Variants in STK32B observed in about 807,000 individuals in gnomAD.
The protein encoded by STK32B is serine/threonine kinase 32B.
A neutral mutation model predicts 52.6 loss-of-function variants in STK32B; 43 were observed. The ratio of observed to expected loss-of-function variants is 0.82; its 90% CI spans 0.64 to 1.05. The LOEUF (loss-of-function observed/expected upper bound fraction) is 1.05, where lower values mean the gene tolerates loss of function less well. STK32B is among the 50% of genes least tolerant of loss of function. STK32B has a pLI of 0.00. For missense variants in STK32B, 621 were observed against 534.6 expected (o/e 1.16, Z -1.59); for synonymous variants, 238 against 204.3 (o/e 1.17, Z -1.41).
At chr4:5,055,658 C>T (rs1741974386) in intron 1 of STK32B, among the ~76,000 whole-genome samples, 1 of 152,154 alleles carries the variant, frequency 6.6e-6, no homozygotes, top group Non-Finnish European at 1.5e-5. Context: ...CTTCCTCTGT[C>T]ACTCCTGGCT....
At chr4:5,279,218 A>C (rs1577285353) in intron 3 of STK32B, among the ~76,000 whole-genome samples, 1 of 152,222 alleles carries the variant, frequency 6.6e-6, no homozygotes. Context: ...TGTGAAATCA[A>C]AAACAAGTTA....
intron 4 of STK32B, among the ~76,000 whole-genome samples, chr4:5,372,433 G>C (rs1735303191): frequency 6.6e-6 from 1 of 152,124 alleles, no homozygotes; most frequent in Non-Finnish European, 1.5e-5. Flanking sequence ...TGAAGCTTCA[G>C]GTAGCCCAGG....
chr4:5,499,144 CCT>C lies in STK32B; in HGVS notation c.*64_*65del. On this transcript the variant is annotated 3_prime_UTR_variant, in exon 12 of 12. Coordinates refer to ENST00000282908, the MANE Select transcript of STK32B (RefSeq NM_018401.3). Reference sequence around the variant, plus strand: ...GTCTCTGCCCTGCCCACCCAGAGCCCCTCTTTGTGCCCTGATGGTCCCTGTCT... The same window carrying C: ...GTCTCTGCCCTGCCCACCCAGAGCCCCTTTGTGCCCTGATGGTCCCTGTCT... 1.3e-6 allele frequency: 2 copies of C among 1,521,936 alleles called. No homozygotes were observed. The highest frequency in any genetic ancestry group is 1.8e-6 in the Non-Finnish European group (2 of 1,128,430). The allele number at this position is 1,521,936 out of a possible 1,614,324, so 94.3% of individuals were successfully genotyped here.
intron 6 of STK32B, among the ~76,000 whole-genome samples, chr4:5,440,206 T>C (rs912962140): frequency 6.6e-6 from 1 of 152,200 alleles, no homozygotes; most frequent in Non-Finnish European, 1.5e-5. Context: ...GTATGGCCAT[T>C]TTCACGATAT....
chr4:5,069,825 C>T (rs1711643087), intron 1 of STK32B, among the ~76,000 whole-genome samples: 1 of 152,178 alleles, frequency 6.6e-6, no homozygotes, highest in Non-Finnish European at 1.5e-5. Context: ...GTTTCAAATC[C>T]TGCCTTTTCT....
intron 3 of STK32B, among the ~76,000 whole-genome samples, chr4:5,317,043 A>ATATATATAATATATATGATATAATATAT (rs1730992778): frequency 6.9e-5 from 2 of 29,030 alleles, no homozygotes; most frequent in Non-Finnish European, 9.4e-5. Flanking sequence ...ATAATATATT[A>ATATATATAATATATATGATATAATATAT]TATATATAAT....
intron 3 of STK32B, among the ~76,000 whole-genome samples, chr4:5,178,461 C>T (rs1422671179): frequency 4.6e-5 from 7 of 152,330 alleles, no homozygotes; most frequent in African/African-American, 1.7e-4. Flanking sequence ...GTCCTGGAGA[C>T]ATTTTCCCCA....
At chr4:5,182,391 A>T (rs919317252) in intron 3 of STK32B, among the ~76,000 whole-genome samples, 2 of 152,166 alleles carry the variant, frequency 1.3e-5, no homozygotes, top group African/African-American at 4.8e-5. Context: ...TTTTCAATTT[A>T]CTTTGCCCAG....
chr4:5,358,547 G>C (rs1411393762), intron 4 of STK32B, among the ~76,000 whole-genome samples: 1 of 151,978 alleles, frequency 6.6e-6, no homozygotes, highest in Admixed American at 6.6e-5. Flanking sequence ...TCAAAGCTTG[G>C]GCATTAAGAA....
chr4:5,308,285 G>A (rs1440751302), intron 3 of STK32B, among the ~76,000 whole-genome samples: 2 of 152,068 alleles, frequency 1.3e-5, no homozygotes, highest in African/African-American at 4.8e-5. Flanking sequence ...GGATTCTCTT[G>A]GCTTTCTTGG....
chr4:5,038,294 C>T, the STK32B span, among the ~76,000 whole-genome samples: 1 of 152,132 alleles, frequency 6.6e-6, no homozygotes. Context: ...TTGGCCTCAA[C>T]GAGTCTGCAT....
chr4:5,266,802 T>C (rs1339695264), intron 3 of STK32B, among the ~76,000 whole-genome samples: 1 of 152,164 alleles, frequency 6.6e-6, no homozygotes, highest in Non-Finnish European at 1.5e-5. Context: ...TTGCAGAGAA[T>C]AGTAGTTGCA....
intron 4 of STK32B, among the ~76,000 whole-genome samples, chr4:5,349,350 C>G (rs551271946): frequency 6.6e-6 from 1 of 152,110 alleles, no homozygotes; most frequent in African/African-American, 2.4e-5. Context: ...TACTAAGCCA[C>G]CAAGGAAACA....
chr4:5,482,776 A>C (rs901536416), intron 11 of STK32B, among the ~76,000 whole-genome samples: 9 of 152,192 alleles, frequency 5.9e-5, no homozygotes, highest in Non-Finnish European at 1.0e-4. Flanking sequence ...TACCTAATTC[A>C]TTAAGAGTTT....
At chr4:5,052,364 C>G (rs1048748800) in intron 1 of STK32B, among the ~76,000 whole-genome samples, 1 of 152,088 alleles carries the variant, frequency 6.6e-6, no homozygotes, top group Non-Finnish European at 1.5e-5. Context: ...CATTTGGTCT[C>G]GTGCAAGGGC....
rs13105905 is a variant in STK32B at position 5,178,777 on chromosome 4, A to G, written c.260+10327A>G. Among the ~76,000 whole-genome samples the G allele has an allele frequency of 6.0e-3, 919 of 152,296 alleles. 3 individuals are homozygous for G. Among genetic ancestry groups the G allele is most frequent in the Non-Finnish European group, 0.01 (700 of 68,034 alleles). ...TAATCCAGTTCCCAACAGGCCTCTCATCTCCATCTGAGACTACATCAGCCT... is the reference window on the plus strand; with the variant it reads ...TAATCCAGTTCCCAACAGGCCTCTCGTCTCCATCTGAGACTACATCAGCCT... On this transcript the variant is annotated intron_variant, in intron 3 of 11. Coordinates refer to ENST00000282908, the MANE Select transcript of STK32B (RefSeq NM_018401.3).
chr4:5,471,305 G>A (rs1327019973), intron 11 of STK32B, among the ~76,000 whole-genome samples: 1 of 152,164 alleles, frequency 6.6e-6, no homozygotes, highest in Non-Finnish European at 1.5e-5. Flanking sequence ...GGTCAGACTG[G>A]AGTAGGGTGG....
chr4:5,089,638 T>C (rs919960275), intron 1 of STK32B, among the ~76,000 whole-genome samples: 1 of 152,132 alleles, frequency 6.6e-6, no homozygotes, highest in East Asian at 1.9e-4. Context: ...CTAGTGTGTA[T>C]GTATGTAGTA....
In STK32B at chr4:5,316,265, TAG is replaced by T. The variant is rs1264371898; in HGVS notation, c.261-14954_261-14953del. Among the ~76,000 whole-genome samples, 8 of 74,612 alleles carry T rather than the reference TAG, an allele frequency of 1.1e-4. 1 individual carries two copies. The highest frequency in any genetic ancestry group is 4.4e-4 in the Admixed American group (2 of 4,538). The allele number at this position is 74,612 out of a possible 152,430, so 48.9% of individuals were successfully genotyped here. On this transcript the variant is annotated intron_variant, in intron 3 of 11. Coordinates refer to ENST00000282908, the MANE Select transcript of STK32B (RefSeq NM_018401.3). ...TATATTGTATATATAATATATTATATAGTATATATAATATATTATATACAATA... is the reference window on the plus strand; with the variant it reads ...TATATTGTATATATAATATATTATATTATATATAATATATTATATACAATA...
Sources: gnomAD v4.1 joint callset for allele counts (sites outside exome capture counted in the v4.1 genomes callset) on GRCh38, gnomAD v4.1.1 for gene constraint, MANE v1.5 for transcripts, NCBI Gene and HGNC (gene_info 2026-07-23, HGNC 2026-07-21) for gene names.